Variants in UNC13A observed in about 807,000 individuals in gnomAD.
The protein encoded by UNC13A is unc-13 homolog A.
In UNC13A, 61 loss-of-function variants were observed where a neutral mutation model predicts 219.7. The observed-to-expected ratio is 0.28, with a 90% CI of 0.23 to 0.34. The LOEUF (loss-of-function observed/expected upper bound fraction) is 0.34. Among genes scored for constraint, UNC13A ranks in the 10% least tolerant of loss-of-function variants. UNC13A has a pLI of 1.00. For synonymous variants in UNC13A, 920 were observed against 884.6 expected (o/e 1.04, Z -0.71); for missense variants, 1,476 against 2,270.3 (o/e 0.65, Z 7.11).
In UNC13A at chr19:17,627,623, C is replaced by T. The variant is rs1321440879; in HGVS notation, c.3832-26G>A. The T allele has an allele frequency of 6.5e-7, 1 of 1,538,052 alleles. No homozygotes were observed. The highest frequency in any genetic ancestry group is 2.0e-5 in the Admixed American group (1 of 51,060). ...CTAAGGAGGGAGAAGGGACACCAGGCCAGGTTCAGTAAGTATCCACATGTA... is the reference window on the plus strand; with the variant it reads ...CTAAGGAGGGAGAAGGGACACCAGGTCAGGTTCAGTAAGTATCCACATGTA... On this transcript the variant is annotated intron_variant, in intron 32 of 43. Transcript: ENST00000519716. The surrounding 1 kb of genome is among the most constrained non-coding windows in gnomAD (Gnocchi z 4.7).
chr19:17,608,074 T>C (rs1212522714), intron 43 of UNC13A, among the ~76,000 whole-genome samples: 1 of 148,740 alleles, frequency 6.7e-6, no homozygotes, highest in East Asian at 2.0e-4. Flanking sequence ...TTTTTTTGAG[T>C]CTCACTCTGT....
At chr19:17,646,645 C>G (rs1052572931) in intron 17 of UNC13A, among the ~76,000 whole-genome samples, 14 of 151,994 alleles carry the variant, frequency 9.2e-5, no homozygotes, top group African/African-American at 3.4e-4. Context: ...GAACCCATTG[C>G]CCCCCGAGAT....
At position 17,601,550 on chromosome 19, in the gene UNC13A, CA is replaced by C. The variant is rs1400570201; in HGVS notation, c.*4503del. 3 of 152,564 alleles carry C rather than the reference CA, an allele frequency of 2.0e-5. No homozygotes were observed. The highest frequency in any genetic ancestry group is 4.4e-5 in the Non-Finnish European group (3 of 68,016). 9.5% of individuals were successfully genotyped at this position (152,564 alleles called of 1,614,324 possible). On this transcript the variant is annotated 3_prime_UTR_variant, in exon 44 of 44. Transcript: ENST00000519716. ...GGTAGAATCAAAACAAAACAAAAAA[CA>C]AACAACGTTTTGATTTCACATCTGC...
chr19:17,619,778 C>T (rs1419792545), intron 38 of UNC13A, among the ~76,000 whole-genome samples: 6 of 152,124 alleles, frequency 3.9e-5, no homozygotes, highest in Non-Finnish European at 7.4e-5. Context: ...CAAACACCTC[C>T]ATATCCGTCC....
rs910085441 is a variant in UNC13A at position 17,640,435 on chromosome 19, C to G, written c.2787+76G>C. ...CAGCAATCAGGTCTAGACTGGGGAC[C>G]CAGAAGTCACATCAGATCTGACCGG... On this transcript the variant is annotated intron_variant, in intron 22 of 43. Coordinates refer to ENST00000519716, the MANE Select transcript of UNC13A (RefSeq NM_001080421.3). The G allele has an allele frequency of 1.4e-5, 21 of 1,477,056 alleles. 1 individual carries two copies. The Middle Eastern group carries it at 9.9e-4, about 70-fold the overall frequency. 91.5% of individuals were successfully genotyped at this position (1,477,056 alleles called of 1,614,324 possible).
chr19:17,631,940 T>G (rs989518583), intron 28 of UNC13A, among the ~76,000 whole-genome samples: 4 of 152,136 alleles, frequency 2.6e-5, no homozygotes, highest in African/African-American at 9.7e-5. Context: ...AGACGGAGTC[T>G]CACTTTGTTG....
intron 41 of UNC13A, chr19:17,612,072 T>C (rs985684453): frequency 6.3e-6 from 3 of 474,166 alleles, no homozygotes; most frequent in East Asian, 3.1e-5. Flanking sequence ...CTTGGGTAGA[T>C]TGCTTAACCT....
chr19:17,621,492 T>C (rs2076729285), intron 37 of UNC13A, among the ~76,000 whole-genome samples: 2 of 152,008 alleles, frequency 1.3e-5, no homozygotes, highest in African/African-American at 4.8e-5. Flanking sequence ...AAACAACACG[T>C]CTCAGTCCAG....
intron 1 of UNC13A, among the ~76,000 whole-genome samples, chr19:17,687,356 G>A (rs2145944765): frequency 1.3e-5 from 2 of 152,274 alleles, no homozygotes; most frequent in East Asian, 3.9e-4. Flanking sequence ...AGTGGGTGAG[G>A]TGAGGATGGG....
chr19:17,627,473 C>T lies in UNC13A; in HGVS notation c.3920+36G>A, dbSNP rs753654294. ...AGGCTTAGAGGGCTGAAGGCTGTTC[C>T]CTCCCCACTGCCCCCAGCCCTGGAG... On this transcript the variant is annotated intron_variant, in intron 33 of 43. Transcript: ENST00000519716. This position sits in a 1 kb window ranked among gnomAD's most constrained non-coding sequence, Gnocchi z 4.7. The T allele has an allele frequency of 3.3e-6, 5 of 1,507,718 alleles. No homozygotes were observed. The highest frequency in any genetic ancestry group is 2.4e-5 in the South Asian group (2 of 83,190). The allele number at this position is 1,507,718 out of a possible 1,614,324, so 93.4% of individuals were successfully genotyped here.
intron 22 of UNC13A, 76 bp downstream of exon 22, chr19:17,640,435 C>A: frequency 6.8e-7 from 1 of 1,477,174 alleles, no homozygotes. Flanking sequence ...GACTGGGGAC[C>A]CAGAAGTCAC....
intron 38 of UNC13A, 53 bp from the exon 39 acceptor site, chr19:17,619,015 T>C: frequency 6.4e-7 from 1 of 1,553,280 alleles, no homozygotes; most frequent in Non-Finnish European, 8.9e-7. Context: ...CAGCTGACAC[T>C]CCAGCCCCAG....
At position 17,649,698 on chromosome 19, in the gene UNC13A, C is replaced by G; in HGVS notation, c.1440-111G>C. Reference sequence around the variant, plus strand: ...TGTTAAGGGGTTGAATTGGGTCCCTCAAAAAAAAGATACGCTGATGCCCTA... The same window carrying G: ...TGTTAAGGGGTTGAATTGGGTCCCTGAAAAAAAAGATACGCTGATGCCCTA... On this transcript the variant is annotated intron_variant, in intron 12 of 43. Transcript: ENST00000519716. The surrounding 1 kb of genome is among the most constrained non-coding windows in gnomAD (Gnocchi z 4.4). 8.3e-7 allele frequency: 1 copy of G among 1,199,092 alleles called. No homozygotes were observed. The highest frequency in any genetic ancestry group is 1.3e-5 in the South Asian group (1 of 77,438). 74.3% of individuals were successfully genotyped at this position (1,199,092 alleles called of 1,614,324 possible).
chr19:17,610,179 C>A, intron 42 of UNC13A, 80 bp from the exon 43 acceptor site: 1 of 1,591,130 alleles, frequency 6.3e-7, no homozygotes, highest in Non-Finnish European at 8.6e-7. Context: ...TCAAAACCTG[C>A]CCAAGGCTGG....
At chr19:17,682,312 G>A (rs2080034392) in intron 1 of UNC13A, among the ~76,000 whole-genome samples, 1 of 152,156 alleles carries the variant, frequency 6.6e-6, no homozygotes, top group South Asian at 2.1e-4. Flanking sequence ...TAGGCCAGGA[G>A]TCATGCCAGG....
Position 17,627,479 on chromosome 19 carries a change from C to A in UNC13A, c.3920+30G>T. Reference sequence around the variant, plus strand: ...AGAGGGCTGAAGGCTGTTCCCTCCCCACTGCCCCCAGCCCTGGAGATGCTC... The same window carrying A: ...AGAGGGCTGAAGGCTGTTCCCTCCCAACTGCCCCCAGCCCTGGAGATGCTC... On this transcript the variant is annotated intron_variant, in intron 33 of 43. Coordinates refer to ENST00000519716, the MANE Select transcript of UNC13A (RefSeq NM_001080421.3). This position sits in a 1 kb window ranked among gnomAD's most constrained non-coding sequence, Gnocchi z 4.7. The A allele has an allele frequency of 6.5e-7, 1 of 1,529,822 alleles. No individual in the cohort carries two copies. The highest frequency in any genetic ancestry group is 8.9e-7 in the Non-Finnish European group (1 of 1,126,860). The allele number at this position is 1,529,822 out of a possible 1,614,324, so 94.8% of individuals were successfully genotyped here. A position where few individuals can be genotyped will look rare whatever the true frequency, so the allele number is the denominator to read the frequency against.
rs145013574 is a variant in UNC13A at position 17,631,073 on chromosome 19, CTCCTTCCT to C, written c.3429-331_3429-324del. The stretch of plus-strand genomic sequence containing the variant: ...CGTCCATCCTTCCCTCCCTCCCTCC[CTCCTTCCT>C]TCCTTCCTTCCTTCCTTCCTTCTTC... On this transcript the variant is annotated intron_variant, in intron 28 of 43. Coordinates refer to ENST00000519716, the MANE Select transcript of UNC13A (RefSeq NM_001080421.3). 5.7e-3 allele frequency among the ~76,000 whole-genome samples: 648 copies of C among 112,702 alleles called. 3 individuals are homozygous for C. Among genetic ancestry groups the C allele is most frequent in the African/African-American group, 0.022 (562 of 25,806 alleles). The allele number at this position is 112,702 out of a possible 152,430, so 73.9% of individuals were successfully genotyped here.
In UNC13A at chr19:17,641,573, G is replaced by A. The variant is rs749973219; in HGVS notation, c.2473-17C>T. The A allele has an allele frequency of 1.4e-5, 22 of 1,613,464 alleles. No individual in the cohort carries two copies. The South Asian group carries it at 2.4e-4, about 18-fold the overall frequency. On this transcript the variant is annotated splice_polypyrimidine_tract_variant and intron_variant, in intron 20 of 43. Transcript: ENST00000519716. ...GAACAGGTTCTGCCACCATGGGAGA[G>A]AAAGTGTCATGGAGAGTGCAAGGGG...
At chr19:17,653,143 G>A (rs2079381159) in intron 11 of UNC13A, among the ~76,000 whole-genome samples, 1 of 151,998 alleles carries the variant, frequency 6.6e-6, no homozygotes, top group South Asian at 2.1e-4. Context: ...GTGGCCCTAT[G>A]AGGAACACAG....
Sources: allele counts gnomAD v4.1 joint callset (sites outside exome capture counted in the v4.1 genomes callset), GRCh38; gene constraint gnomAD v4.1.1; non-coding constraint Gnocchi (gnomAD v3.1); transcripts MANE v1.5; gene names NCBI Gene and HGNC (gene_info 2026-07-23, HGNC 2026-07-21).